AKR1C3: variants seen among roughly 807,000 people sequenced by gnomAD.
AKR1C3 encodes 3-alpha hydroxysteroid dehydrogenase, type II.
A neutral mutation model predicts 43.6 loss-of-function variants in AKR1C3; 48 were observed. The ratio of observed to expected loss-of-function variants is 1.10; its 90% confidence interval spans 0.87 to 1.40. The LOEUF (loss-of-function observed/expected upper bound fraction) is 1.40. Ranked by LOEUF, AKR1C3 falls within the 40% of genes most tolerant of loss-of-function variation. The pLI is 0.00. For missense variants in AKR1C3, 482 were observed against 391.2 expected (o/e 1.23, Z -1.96); for synonymous variants, 162 against 139.6 (o/e 1.16, Z -1.13).
chr10:5,105,327 ATGTCAGCGCTGTTTC>A (rs1205669581), intron 7 of AKR1C3: 6 of 211,836 alleles, frequency 2.8e-5, no homozygotes, highest in African/African-American at 1.4e-4. Flanking sequence ...TGTGGGCACA[ATGTCAGCGCTGTTTC>A]TTCTCCATTT....
At chr10:5,083,214 T>A (rs1017284372) in intron 1 of AKR1C3, among the ~76,000 whole-genome samples, 13 of 152,194 alleles carry the variant, frequency 8.5e-5, no homozygotes, top group African/African-American at 3.1e-4. Flanking sequence ...CTCCTAATGC[T>A]ATCCCTCCCG....
chr10:5,082,242 TCTGA>T (rs1448487002), intron 1 of AKR1C3, among the ~76,000 whole-genome samples: 1 of 152,154 alleles, frequency 6.6e-6, no homozygotes, highest in African/African-American at 2.4e-5. Flanking sequence ...ACAAAAATAA[TCTGA>T]CTTTTATTTT....
chr10:5,073,603 C>T (rs1159091154), intron 1 of AKR1C3, among the ~76,000 whole-genome samples: 1 of 152,120 alleles, frequency 6.6e-6, no homozygotes, highest in African/African-American at 2.4e-5. Flanking sequence ...ATCACAGAAC[C>T]ATATGAAGAA....
Position 5,107,608 on chromosome 10 carries a change from G to A in AKR1C3, c.*105G>A, listed in dbSNP as rs1437807081. On this transcript the variant is annotated 3_prime_UTR_variant, in exon 9 of 9. Coordinates refer to ENST00000380554, the MANE Select transcript of AKR1C3 (RefSeq NM_003739.6). The stretch of plus-strand genomic sequence containing the variant: ...GGACATATCACCTCTACTTAAATCC[G>A]TCCTGTTTAGCGACTTCAGTCAACT... 22 of 864,444 alleles carry A rather than the reference G, an allele frequency of 2.5e-5. No individual in the cohort carries two copies. The highest frequency in any genetic ancestry group is 1.6e-4 in the East Asian group (6 of 38,136). 53.5% of individuals were successfully genotyped at this position (864,444 alleles called of 1,614,324 possible). A position where few individuals can be genotyped will look rare whatever the true frequency, so the allele number is the denominator to read the frequency against.
intron 1 of AKR1C3, among the ~76,000 whole-genome samples, chr10:5,086,683 G>A (rs1838973610): frequency 1.3e-5 from 2 of 152,228 alleles, no homozygotes; most frequent in South Asian, 4.2e-4. Context: ...GGGTGTTAAA[G>A]TCTCCCACTA....
chr10:5,063,060 A>G (rs192441036), intron 1 of AKR1C3, among the ~76,000 whole-genome samples: 12 of 152,280 alleles, frequency 7.9e-5, no homozygotes, highest in African/African-American at 2.9e-4. Context: ...AGCCATTTAG[A>G]CCTATAAAGA....
At chr10:5,070,692 T>G (rs1554781255) in intron 1 of AKR1C3, among the ~76,000 whole-genome samples, 3 of 152,208 alleles carry the variant, frequency 2.0e-5, no homozygotes, top group African/African-American at 4.8e-5. Context: ...TTAGTGTCCT[T>G]GTTAAAGAGA....
intron 1 of AKR1C3, chr10:5,081,792 TG>T (rs1554782379): frequency 6.6e-6 from 1 of 152,242 alleles, no homozygotes; most frequent in Non-Finnish European, 1.5e-5. Context: ...TCCTGGGCAC[TG>T]GTAATAATGT....
chr10:5,077,733 G>GAA, intron 1 of AKR1C3: 1 of 1,165,600 alleles, frequency 8.6e-7, no homozygotes, highest in Non-Finnish European at 1.1e-6. Flanking sequence ...AGAGAAAAAA[G>GAA]AAAAAAAAAG....
intron 1 of AKR1C3, among the ~76,000 whole-genome samples, chr10:5,068,209 T>C (rs936722924): frequency 6.6e-6 from 1 of 152,174 alleles, no homozygotes; most frequent in Admixed American, 6.5e-5. Context: ...AATTAGACAT[T>C]TGAATTTTAG....
At chr10:5,061,563 G>A (rs781908578) in intron 1 of AKR1C3, among the ~76,000 whole-genome samples, 2 of 152,114 alleles carry the variant, frequency 1.3e-5, no homozygotes, top group African/African-American at 2.4e-5. Context: ...TTGGAAAAAC[G>A]CATTGGCAAC....
chr10:5,105,968 C>T (rs782083759), intron 8 of AKR1C3, among the ~76,000 whole-genome samples: 3 of 152,166 alleles, frequency 2.0e-5, no homozygotes, highest in Non-Finnish European at 2.9e-5. Flanking sequence ...GTTTCTACCA[C>T]TGGACATGCT....
At chr10:5,104,877 TGTTAAAAGAAAA>T (rs1839459542) in intron 7 of AKR1C3, among the ~76,000 whole-genome samples, 1 of 152,176 alleles carries the variant, frequency 6.6e-6, no homozygotes, top group African/African-American at 2.4e-5. Flanking sequence ...TGTGTAGAAA[TGTTAAAAGAAAA>T]ATGTAATGAA....
At chr10:5,065,813 CATT>C (rs1209420467) in intron 1 of AKR1C3, among the ~76,000 whole-genome samples, 1 of 152,006 alleles carries the variant, frequency 6.6e-6, no homozygotes, top group African/African-American at 2.4e-5. Context: ...TGCCTCCAGA[CATT>C]ATTTTCTTGA....
chr10:5,057,210 G>A (rs1262184523), intron 1 of AKR1C3, among the ~76,000 whole-genome samples: 1 of 152,176 alleles, frequency 6.6e-6, no homozygotes, highest in Non-Finnish European at 1.5e-5. Context: ...TTTTTAAAGT[G>A]TCCTAGTAAA....
In AKR1C3 at chr10:5,096,538, T is replaced by C. The variant is rs782311766; in HGVS notation, c.213T>C (p.Asp71=). 1.2e-6 allele frequency: 2 copies of C among 1,613,714 alleles called. No individual in the cohort carries two copies. The highest frequency in any genetic ancestry group is 3.3e-5 in the Admixed American group (2 of 59,986). Reference sequence around the variant, plus strand: ...TGGCCATCCGAAGCAAGATTGCAGATGGCAGTGTGAAGAGAGAAGACATAT... The same window carrying C: ...TGGCCATCCGAAGCAAGATTGCAGACGGCAGTGTGAAGAGAGAAGACATAT... ...VGLAIRSKIA[D]GSVKREDIFY... is the part of the protein sequence containing the mutation. Residue 71 remains aspartate (D), a synonymous_variant, in exon 2 of 9, where the codon GAT becomes GAC. Transcript: ENST00000380554.
In AKR1C3 at chr10:5,096,569, A is replaced by C; in HGVS notation, c.244A>C (p.Thr82Pro). ...TGTGAAGAGAGAAGACATATTCTAC[A>C]CTTCAAAGGTACTGTGTCTATGATG... ...GSVKREDIFY[T>P]SKLWSTFHRP... is the part of the protein sequence containing the mutation. Residue 82 changes from threonine (T) to proline (P), a missense_variant, in exon 2 of 9, where the codon ACT (threonine) becomes CCT (proline). Physicochemically the swap from Thr to Pro is conservative, Grantham distance 38. Transcript: ENST00000380554. 1 of 1,613,276 alleles carries C rather than the reference A, an allele frequency of 6.2e-7. No individual in the cohort carries two copies. Among genetic ancestry groups the C allele is most frequent in the Non-Finnish European group, 8.5e-7 (1 of 1,179,520 alleles).
intron 1 of AKR1C3, among the ~76,000 whole-genome samples, chr10:5,063,253 A>T (rs1838419246): frequency 6.6e-6 from 1 of 152,198 alleles, no homozygotes; most frequent in Non-Finnish European, 1.5e-5. Flanking sequence ...AAGTGGAATA[A>T]AAACCTGGGG....
At chr10:5,051,909 G>T (rs541952317) in intron 1 of AKR1C3, among the ~76,000 whole-genome samples, 4 of 152,266 alleles carry the variant, frequency 2.6e-5, no homozygotes, top group African/African-American at 9.6e-5. Flanking sequence ...CTCCATTATT[G>T]TATGTTTTCT....
Sources: allele counts gnomAD v4.1 joint callset (sites outside exome capture counted in the v4.1 genomes callset), GRCh38; gene constraint gnomAD v4.1.1; transcripts MANE v1.5; gene names NCBI Gene and HGNC (gene_info 2026-07-23, HGNC 2026-07-21).